The following CHKA variants were observed in gnomAD, a reference collection of about 807,000 sequenced individuals.
CHKA encodes choline kinase alpha, also known as CHETK-alpha.
In CHKA, 34 loss-of-function variants were observed where a neutral mutation model predicts 60.1. The observed-to-expected ratio is 0.57, with a 90% confidence interval of 0.43 to 0.75. CHKA has a LOEUF of 0.75. Among genes scored for constraint, CHKA ranks in the 30% least tolerant of loss-of-function variants. The pLI is 0.00. For missense variants in CHKA, 563 were observed against 561.3 expected (o/e 1.00, Z -0.03); for synonymous variants, 217 against 223.1 (o/e 0.97, Z 0.24).
intron 11 of CHKA, among the ~76,000 whole-genome samples, chr11:68,056,836 C>G (rs1395605301): frequency 6.6e-6 from 1 of 151,770 alleles, no homozygotes; most frequent in African/African-American, 2.4e-5. Flanking sequence ...ACAGTGAGAC[C>G]CTGTCTTAAA....
At chr11:68,117,309 T>C (rs1037292054) in intron 1 of CHKA, among the ~76,000 whole-genome samples, 2 of 152,176 alleles carry the variant, frequency 1.3e-5, no homozygotes, top group African/African-American at 4.8e-5. Context: ...AAATGCAGGC[T>C]CCAGTGTAAC....
At chr11:68,100,490 T>C (rs1382007279) in intron 1 of CHKA, among the ~76,000 whole-genome samples, 1 of 151,874 alleles carries the variant, frequency 6.6e-6, no homozygotes, top group Non-Finnish European at 1.5e-5. Context: ...CTCAGGAGGC[T>C]GAGGCAGGAG....
intron 4 of CHKA, among the ~76,000 whole-genome samples, chr11:68,074,186 C>G (rs1388524618): frequency 6.6e-6 from 1 of 152,176 alleles, no homozygotes; most frequent in African/African-American, 2.4e-5. Context: ...GGAAAATAAT[C>G]CTGACTGCTT....
chr11:68,105,563 G>A (rs567867441), intron 1 of CHKA, among the ~76,000 whole-genome samples: 2 of 145,378 alleles, frequency 1.4e-5, no homozygotes, highest in Admixed American at 1.4e-4. Context: ...AAAGAAATAT[G>A]CCATCTCTAA....
chr11:68,120,683 G>GCGGTCCCCGGTCCC (rs1310641901), intron 1 of CHKA, 145 bp downstream of exon 1: 37 of 281,666 alleles, frequency 1.3e-4, no homozygotes, highest in African/African-American at 7.7e-4. Context: ...TTCGCCGGCT[G>GCGGTCCCCGGTCCC]CGGTCCCCGG....
intron 11 of CHKA, among the ~76,000 whole-genome samples, chr11:68,060,057 C>A (rs1227447956): frequency 2.8e-5 from 3 of 106,368 alleles, no homozygotes; most frequent in African/African-American, 1.2e-4. Flanking sequence ...CCCAGAGTCT[C>A]GCTCTGTCGC....
At chr11:68,092,296 T>C (rs530104812) in intron 2 of CHKA, among the ~76,000 whole-genome samples, 17 of 152,358 alleles carry the variant, frequency 1.1e-4, no homozygotes, top group Non-Finnish European at 2.4e-4. Flanking sequence ...ATCCTGACAA[T>C]TTATCATAAA....
Position 68,079,282 on chromosome 11 carries a change from T to C in CHKA, c.516+2122A>G, listed in dbSNP as rs558757328. Among the ~76,000 whole-genome samples the C allele has an allele frequency of 4.5e-4, 68 of 152,132 alleles. No individual in the cohort carries two copies. In the South Asian group the frequency reaches 0.013, roughly 29 times the overall value. ...ACCATTGCACTGTGGTTATGTGAGA[T>C]GTTCGCATTAGGGAAGCTGGGTGAG... On this transcript the variant is annotated intron_variant, in intron 3 of 11. Transcript: ENST00000265689.
At chr11:68,102,464 T>C (rs544165136) in intron 1 of CHKA, among the ~76,000 whole-genome samples, 1 of 152,326 alleles carries the variant, frequency 6.6e-6, no homozygotes, top group East Asian at 1.9e-4. Flanking sequence ...AGACAGTCTC[T>C]TCAATAAACA....
Position 68,083,557 on chromosome 11 carries a change from G to A in CHKA, c.463-2100C>T, listed in dbSNP as rs555357216. Among the ~76,000 whole-genome samples the A allele has an allele frequency of 3.9e-5, 6 of 152,224 alleles. No individual in the cohort carries two copies. In the South Asian group the frequency reaches 6.2e-4, roughly 16 times the overall value. ...CTTCTTAGGGAGATACAGTTAATGG[G>A]TTATTTAGCCTTCAGAAGTCCCTTT... On this transcript the variant is annotated intron_variant, in intron 2 of 11. Coordinates refer to ENST00000265689, the MANE Select transcript of CHKA (RefSeq NM_001277.3).
intron 1 of CHKA, among the ~76,000 whole-genome samples, chr11:68,112,053 CAAAA>C (rs754639082): frequency 9.6e-5 from 2 of 20,914 alleles, no homozygotes; most frequent in Non-Finnish European, 1.5e-4. Context: ...AACTCCGTCT[CAAAA>C]AAAAAAAAAA....
chr11:68,094,039 A>G (rs1158339658), intron 2 of CHKA, among the ~76,000 whole-genome samples: 1 of 152,218 alleles, frequency 6.6e-6, no homozygotes, highest in Non-Finnish European at 1.5e-5. Context: ...TAGCCCACAG[A>G]GGAGCACCTT....
intron 7 of CHKA, among the ~76,000 whole-genome samples, chr11:68,068,170 G>A (rs1856501469): frequency 6.6e-6 from 1 of 152,202 alleles, no homozygotes; most frequent in Non-Finnish European, 1.5e-5. Context: ...TACTAGGAGA[G>A]GAGGTGTTAG....
intron 1 of CHKA, among the ~76,000 whole-genome samples, chr11:68,103,263 G>C (rs1185176790): frequency 6.6e-6 from 1 of 152,078 alleles, no homozygotes; most frequent in Non-Finnish European, 1.5e-5. Context: ...GTTGAGATGG[G>C]AGGATCACTT....
intron 10 of CHKA, among the ~76,000 whole-genome samples, chr11:68,064,276 C>G (rs1325629157): frequency 2.0e-5 from 3 of 152,130 alleles, no homozygotes; most frequent in African/African-American, 7.2e-5. Flanking sequence ...GACATGGTGG[C>G]AGGCACCTGT....
rs751647246 is a variant in CHKA, at chr11:68,100,591, C to CAATAAATA, written c.351-3469_351-3462dup. ...GGGGACAAGAACGAAACATCATCTCCAATAAATAAATACATAAATAAATAA... is the reference window on the plus strand; with the variant it reads ...GGGGACAAGAACGAAACATCATCTCCAATAAATAAATAAATAAATACATAAATAAATAA... On this transcript the variant is annotated intron_variant, in intron 1 of 11. Coordinates refer to ENST00000265689, the MANE Select transcript of CHKA (RefSeq NM_001277.3). Among the ~76,000 whole-genome samples, 240 of 100,742 alleles carry CAATAAATA rather than the reference C, an allele frequency of 2.4e-3. 5 individuals are homozygous for CAATAAATA. Among genetic ancestry groups the CAATAAATA allele is most frequent in the African/African-American group, 1.2e-3 (31 of 26,156 alleles). 66.1% of individuals were successfully genotyped at this position (100,742 alleles called of 152,430 possible).
chr11:68,053,902 G>T lies in CHKA; in HGVS notation c.*86C>A. The T allele has an allele frequency of 9.2e-7, 1 of 1,092,612 alleles. No homozygotes were observed. The highest frequency in any genetic ancestry group is 1.3e-5 in the South Asian group (1 of 76,170). 67.7% of individuals were successfully genotyped at this position (1,092,612 alleles called of 1,614,324 possible). A position where few individuals can be genotyped will look rare whatever the true frequency, so the allele number is the denominator to read the frequency against. ...AGCCACCCAAAGCCTCCTGCCACAG[G>T]AGCAGTAGTCGAAGCACAGAGGGGA... On this transcript the variant is annotated 3_prime_UTR_variant, in exon 12 of 12. Transcript: ENST00000265689.
chr11:68,059,989 T>C (rs1289749983), intron 11 of CHKA, among the ~76,000 whole-genome samples: 2 of 152,086 alleles, frequency 1.3e-5, no homozygotes, highest in Admixed American at 6.6e-5. Flanking sequence ...TCTCCCATGT[T>C]TTTTGTTTTG....
intron 3 of CHKA, among the ~76,000 whole-genome samples, chr11:68,079,003 G>C (rs915974951): frequency 6.6e-6 from 1 of 151,242 alleles, no homozygotes; most frequent in Non-Finnish European, 1.5e-5. Flanking sequence ...GCAAGATCTC[G>C]GCTCACTGAA....
Sources: allele counts gnomAD v4.1 joint callset (sites outside exome capture counted in the v4.1 genomes callset), GRCh38; gene constraint gnomAD v4.1.1; transcripts MANE v1.5; gene names NCBI Gene and HGNC (gene_info 2026-07-23, HGNC 2026-07-21).